OSMR: variants seen among roughly 807,000 people sequenced by gnomAD.
OSMR encodes the protein oncostatin M receptor.
A neutral mutation model predicts 99.9 loss-of-function variants in OSMR; 81 were observed. The observed-to-expected ratio is 0.81, with a 90% CI of 0.68 to 0.97. The LOEUF (loss-of-function observed/expected upper bound fraction) is 0.97, where lower values mean the gene tolerates loss of function less well. Ranked by LOEUF, OSMR falls within the 50% of genes least tolerant of loss-of-function variation. OSMR has a pLI of 0.00. For missense variants in OSMR, 1,099 were observed against 1,153.4 expected (o/e 0.95, Z 0.68); for synonymous variants, 406 against 410.4 (o/e 0.99, Z 0.13).
intron 1 of OSMR, chr5:38,942,347 G>A (rs61748204): frequency 0.022 from 35,818 of 1,596,302 alleles, 698 homozygotes; most frequent in South Asian, 0.079. Flanking sequence ...CTTTGGTGGT[G>A]TTGCCAACAC....
intron 1 of OSMR, among the ~76,000 whole-genome samples, chr5:38,864,012 C>A (rs1741728227): frequency 6.6e-6 from 1 of 152,144 alleles, no homozygotes; most frequent in African/African-American, 2.4e-5. Flanking sequence ...AATATCTTTT[C>A]CTATCCCTTC....
chr5:38,923,774 A>AG (rs1746345273), intron 13 of OSMR, among the ~76,000 whole-genome samples: 2 of 152,160 alleles, frequency 1.3e-5, no homozygotes, highest in South Asian at 4.1e-4. Context: ...ACCAGTTCTC[A>AG]GGGGTTCTTC....
At chr5:38,900,092 T>C (rs2112514481) in intron 7 of OSMR, among the ~76,000 whole-genome samples, 2 of 152,340 alleles carry the variant, frequency 1.3e-5, no homozygotes, top group East Asian at 3.9e-4. Context: ...GGGTTCCGAC[T>C]GCTGGGATGG....
downstream of OSMR, chr5:38,945,398 C>T (rs1748077081): frequency 2.4e-6 from 2 of 830,040 alleles, no homozygotes; most frequent in Admixed American, 2.5e-5. Flanking sequence ...CTGGGAAACT[C>T]TGAATTAGAA....
chr5:38,902,956 T>A (rs1018215474), intron 7 of OSMR, among the ~76,000 whole-genome samples: 13 of 152,134 alleles, frequency 8.5e-5, no homozygotes, highest in Non-Finnish European at 4.4e-5. Flanking sequence ...TCTCGGGGTG[T>A]ATGTGTGGCC....
chr5:38,942,316 A>G, intron 1 of OSMR: 1 of 1,591,376 alleles, frequency 6.3e-7, no homozygotes, highest in Non-Finnish European at 8.6e-7. Flanking sequence ...AGGATTCAGC[A>G]GATGTATCAA....
chr5:38,928,760 C>A (rs1414873218), intron 15 of OSMR, among the ~76,000 whole-genome samples: 1 of 152,138 alleles, frequency 6.6e-6, no homozygotes, highest in Non-Finnish European at 1.5e-5. Context: ...CCCTAGGTTT[C>A]CAAACCAAAA....
downstream of OSMR, chr5:38,945,506 T>C (rs749906825): frequency 1.9e-6 from 3 of 1,610,034 alleles, no homozygotes; most frequent in Non-Finnish European, 1.7e-6. Flanking sequence ...TGACTACATA[T>C]TGCACTCAGT....
At chr5:38,867,167 A>T (rs1471723912) in intron 1 of OSMR, among the ~76,000 whole-genome samples, 3 of 152,162 alleles carry the variant, frequency 2.0e-5, no homozygotes, top group Admixed American at 1.3e-4. Flanking sequence ...AGAAGTATGA[A>T]TGACTTGTTT....
At chr5:38,849,249 A>G (rs1740158451) in intron 1 of OSMR, among the ~76,000 whole-genome samples, 1 of 152,222 alleles carries the variant, frequency 6.6e-6, no homozygotes, top group African/African-American at 2.4e-5. Context: ...TCCTGTGTCA[A>G]AGGGTTTGCC....
In OSMR at chr5:38,870,912, G is replaced by A. The variant is rs542005821; in HGVS notation, c.73+1795G>A. On this transcript the variant is annotated intron_variant, in intron 2 of 17. Transcript: ENST00000274276. ...TTGTAAATCAACTGTTACCTCTCAA[G>A]GCAGTCTCCTGGTGGGTGAGAGTTC... Among the ~76,000 whole-genome samples the A allele has an allele frequency of 7.9e-5, 12 of 152,266 alleles. No individual in the cohort carries two copies. In the South Asian group the frequency reaches 2.5e-3, roughly 32 times the overall value.
At chr5:38,944,655 C>G (rs778744588) in intron 2 of OSMR, 50 of 1,198,598 alleles carry the variant, frequency 4.2e-5, no homozygotes, top group Non-Finnish European at 5.7e-5. Flanking sequence ...TAAACTTCAC[C>G]TAAAGACCTA....
chr5:38,879,751 G>T (rs1743126329), intron 3 of OSMR, among the ~76,000 whole-genome samples: 1 of 151,364 alleles, frequency 6.6e-6, no homozygotes, highest in South Asian at 2.1e-4. Context: ...AGCATCTTGA[G>T]TTGCTGGGAT....
At chr5:38,880,444 G>T (rs1360589867) in intron 3 of OSMR, among the ~76,000 whole-genome samples, 1 of 152,188 alleles carries the variant, frequency 6.6e-6, no homozygotes, top group African/African-American at 2.4e-5. Context: ...GGGACATGAA[G>T]AAGAGAACGT....
chr5:38,936,149 T>TTTAA (rs1269787380), downstream of OSMR, among the ~76,000 whole-genome samples: 1 of 151,998 alleles, frequency 6.6e-6, no homozygotes, highest in Non-Finnish European at 1.5e-5. Context: ...AGTAGAATAG[T>TTTAA]TTAATAAACC....
At chr5:38,915,966 T>A (rs939822985) in intron 9 of OSMR, among the ~76,000 whole-genome samples, 1 of 152,230 alleles carries the variant, frequency 6.6e-6, no homozygotes. Flanking sequence ...TATATCTTCA[T>A]CAGTTAAAGC....
chr5:38,945,059 T>G, exon 3 of OSMR: 1 of 1,595,806 alleles, frequency 6.3e-7, no homozygotes, highest in Non-Finnish European at 8.6e-7. Flanking sequence ...ATATGGAATA[T>G]CTTGAAAGTC....
intron 1 of OSMR, among the ~76,000 whole-genome samples, chr5:38,852,188 G>C: frequency 6.6e-6 from 1 of 152,084 alleles, no homozygotes; most frequent in East Asian, 1.9e-4. Flanking sequence ...TTATTTTTCT[G>C]TTCTTTTTGA....
At chr5:38,854,350 G>A (rs1053644957) in intron 1 of OSMR, among the ~76,000 whole-genome samples, 1 of 152,202 alleles carries the variant, frequency 6.6e-6, no homozygotes, top group Non-Finnish European at 1.5e-5. Flanking sequence ...GACAGAACAA[G>A]AAGTGTGGTG....
Sources: gnomAD v4.1 joint callset for allele counts (sites outside exome capture counted in the v4.1 genomes callset) on GRCh38, gnomAD v4.1.1 for gene constraint, MANE v1.5 for transcripts, NCBI Gene and HGNC (gene_info 2026-07-23, HGNC 2026-07-21) for gene names.